Variants in MVB12B observed in about 807,000 individuals in gnomAD.
The protein encoded by MVB12B is ESCRT-I complex subunit MVB12B.
A neutral mutation model predicts 41.6 loss-of-function variants in MVB12B; 16 were observed. That is an observed-to-expected ratio of 0.38 (90% confidence interval 0.26 to 0.58). The LOEUF is 0.58. Ranked by LOEUF, MVB12B falls within the 20% of genes least tolerant of loss-of-function variation. The probability of loss-of-function intolerance (pLI) is 0.62; values close to 1 mark genes in which losing one functional copy is unlikely to be tolerated. For missense variants in MVB12B, 274 were observed against 380.2 expected (o/e 0.72, Z 2.32); for synonymous variants, 133 against 139.7 (o/e 0.95, Z 0.34).
chr9:126,503,555 A>G lies in MVB12B; in HGVS notation c.*292A>G. 1 of 443,952 alleles carries G rather than the reference A, an allele frequency of 2.3e-6. No individual in the cohort carries two copies. 27.5% of individuals were successfully genotyped at this position (443,952 alleles called of 1,614,324 possible). A position where few individuals can be genotyped will look rare whatever the true frequency, so the allele number is the denominator to read the frequency against. On this transcript the variant is annotated 3_prime_UTR_variant, in exon 10 of 10. Coordinates refer to ENST00000361171, the MANE Select transcript of MVB12B (RefSeq NM_033446.3). The stretch of plus-strand genomic sequence containing the variant: ...TGACCAGTTGTCCTCCAAAAACCTC[A>G]CTCACCACGGAGTCACCCTGAGGGC...
intron 6 of MVB12B, among the ~76,000 whole-genome samples, chr9:126,417,398 C>G (rs530548164): frequency 6.6e-6 from 1 of 152,020 alleles, no homozygotes; most frequent in African/African-American, 2.4e-5. Flanking sequence ...TTTTTCCCTT[C>G]TTGTAAATTC....
chr9:126,339,847 C>T (rs1829391289), intron 1 of MVB12B, among the ~76,000 whole-genome samples: 1 of 152,176 alleles, frequency 6.6e-6, no homozygotes, highest in African/African-American at 2.4e-5. Flanking sequence ...GTCTTTGACT[C>T]TCTTGGTCCT....
chr9:126,340,672 T>C lies in MVB12B; in HGVS notation c.204+42T>C. 3 of 1,604,314 alleles carry C rather than the reference T, an allele frequency of 1.9e-6. No individual in the cohort carries two copies. Among genetic ancestry groups the C allele is most frequent in the Non-Finnish European group, 2.6e-6 (3 of 1,172,670 alleles). ...GTTTGTACATTTTGCTCACTGATTC[T>C]ACAAGTATTTATCTCCTGTGTCCAA... On this transcript the variant is annotated intron_variant, in intron 2 of 9. Coordinates refer to ENST00000361171, the MANE Select transcript of MVB12B (RefSeq NM_033446.3). This position sits in a 1 kb window ranked among gnomAD's most constrained non-coding sequence, Gnocchi z 4.0.
rs1484480824 is a variant in MVB12B at position 126,505,942 on chromosome 9, C to T, written c.*2679C>T. On this transcript the variant is annotated 3_prime_UTR_variant, in exon 10 of 10. Coordinates refer to ENST00000361171, the MANE Select transcript of MVB12B (RefSeq NM_033446.3). ...CTACTGCTTCTGTCCCTGCTGGCAG[C>T]CTCTGTCCCTCCAGAACGGCTAACC... is the stretch of plus-strand genomic sequence containing the variant. 6.6e-6 allele frequency: 1 copy of T among 152,350 alleles called. No homozygotes were observed. The highest frequency in any genetic ancestry group is 1.5e-5 in the Non-Finnish European group (1 of 68,172). 9.4% of individuals were successfully genotyped at this position (152,350 alleles called of 1,614,324 possible).
chr9:126,440,210 AC>A (rs1832595573), intron 7 of MVB12B, among the ~76,000 whole-genome samples: 1 of 152,158 alleles, frequency 6.6e-6, no homozygotes, highest in Non-Finnish European at 1.5e-5. Flanking sequence ...ACTCCAGAGC[AC>A]CCATTCTTCG....
At chr9:126,399,657 G>T (rs1831213998) in intron 6 of MVB12B, among the ~76,000 whole-genome samples, 1 of 152,308 alleles carries the variant, frequency 6.6e-6, no homozygotes, top group East Asian at 1.9e-4. Context: ...AGGCAGGTGG[G>T]CTCACAACCG....
chr9:126,470,219 G>A (rs1007897994), intron 7 of MVB12B, among the ~76,000 whole-genome samples: 1 of 152,170 alleles, frequency 6.6e-6, no homozygotes, highest in African/African-American at 2.4e-5. Context: ...ACCCAAAGAC[G>A]TTTGGAGGGA....
chr9:126,490,413 T>G (rs1490457037), intron 9 of MVB12B, among the ~76,000 whole-genome samples: 1 of 152,186 alleles, frequency 6.6e-6, no homozygotes, highest in Non-Finnish European at 1.5e-5. Context: ...GAACCATTCC[T>G]GTAATGACAG....
At chr9:126,407,791 T>G (rs1310061566) in intron 6 of MVB12B, among the ~76,000 whole-genome samples, 1 of 152,208 alleles carries the variant, frequency 6.6e-6, no homozygotes, top group Non-Finnish European at 1.5e-5. Flanking sequence ...AATTTCTCCT[T>G]AACTATTTCA....
intron 2 of MVB12B, among the ~76,000 whole-genome samples, chr9:126,378,575 C>T (rs1340904666): frequency 1.3e-5 from 2 of 152,122 alleles, no homozygotes; most frequent in Admixed American, 6.6e-5. Flanking sequence ...CCAGTACTGC[C>T]TTCCTTGGAG....
Position 126,376,660 on chromosome 9 carries a change from T to C in MVB12B, c.205-4404T>C, listed in dbSNP as rs1445182345. 3 of 1,288,762 alleles carry C rather than the reference T, an allele frequency of 2.3e-6. No homozygotes were observed. The highest frequency in any genetic ancestry group is 3.0e-6 in the Non-Finnish European group (3 of 988,462). 79.8% of individuals were successfully genotyped at this position (1,288,762 alleles called of 1,614,324 possible). A position where few individuals can be genotyped will look rare whatever the true frequency, so the allele number is the denominator to read the frequency against. ...GCGGGTGGCAGGGAGGGGCCTGCCA[T>C]TGCCATTCAGTGTGTACGCTTGGTT... On this transcript the variant is annotated intron_variant, in intron 2 of 9. Coordinates refer to ENST00000361171, the MANE Select transcript of MVB12B (RefSeq NM_033446.3). The surrounding 1 kb of genome is among the most constrained non-coding windows in gnomAD (Gnocchi z 4.1).
At chr9:126,461,876 G>A (rs906758164) in intron 7 of MVB12B, among the ~76,000 whole-genome samples, 3 of 152,250 alleles carry the variant, frequency 2.0e-5, no homozygotes, top group East Asian at 1.9e-4. Context: ...GGGGGCCCTC[G>A]CCCACCCGCC....
intron 7 of MVB12B, 81 bp downstream of exon 7, chr9:126,422,029 C>T (rs1426993855): frequency 1.8e-5 from 19 of 1,028,604 alleles, no homozygotes; most frequent in Middle Eastern, 2.0e-4. Flanking sequence ...TCTGTCTTCT[C>T]GTGGGATCTG....
chr9:126,455,421 C>T (rs1378624459), intron 7 of MVB12B, among the ~76,000 whole-genome samples: 1 of 152,040 alleles, frequency 6.6e-6, no homozygotes, highest in Non-Finnish European at 1.5e-5. Flanking sequence ...CGATTTACCT[C>T]GTGATCCACC....
At chr9:126,337,791 TG>T (rs1829324689) in intron 1 of MVB12B, among the ~76,000 whole-genome samples, 1 of 152,184 alleles carries the variant, frequency 6.6e-6, no homozygotes, top group Non-Finnish European at 1.5e-5. Flanking sequence ...TGATACAACC[TG>T]GGGTTGTTGC....
intron 2 of MVB12B, among the ~76,000 whole-genome samples, chr9:126,377,199 T>C (rs778386891): frequency 1.8e-4 from 27 of 152,166 alleles, no homozygotes; most frequent in Non-Finnish European, 2.6e-4. Flanking sequence ...GCCCTCCTGC[T>C]CCTCCTCAGA....
At chr9:126,496,883 C>T (rs1017682017) in intron 9 of MVB12B, among the ~76,000 whole-genome samples, 1 of 152,076 alleles carries the variant, frequency 6.6e-6, no homozygotes. Context: ...AGGCCCCTGT[C>T]CCCCAGGGGA....
intron 1 of MVB12B, among the ~76,000 whole-genome samples, chr9:126,336,350 T>G (rs964693870): frequency 3.3e-5 from 5 of 152,372 alleles, no homozygotes; most frequent in African/African-American, 1.2e-4. Flanking sequence ...AGGCACACCT[T>G]TGATTCCGAA....
intron 8 of MVB12B, among the ~76,000 whole-genome samples, chr9:126,482,219 A>C (rs1833538473): frequency 6.6e-6 from 1 of 152,248 alleles, no homozygotes; most frequent in Non-Finnish European, 1.5e-5. Context: ...GGCTTGCCCC[A>C]CGCTGGCTCA....
Sources: gnomAD v4.1 joint callset for allele counts (sites outside exome capture counted in the v4.1 genomes callset) on GRCh38, gnomAD v4.1.1 for gene constraint, Gnocchi (gnomAD v3.1) non-coding constraint, MANE v1.5 for transcripts, NCBI Gene and HGNC (gene_info 2026-07-23, HGNC 2026-07-21) for gene names.